The following PPM1A variants were observed in gnomAD, a reference collection of about 807,000 sequenced individuals.
PPM1A encodes the protein protein phosphatase, Mg2+/Mn2+ dependent 1A.
A neutral mutation model predicts 35.0 loss-of-function variants in PPM1A; 7 were observed. The ratio of observed to expected loss-of-function variants is 0.20; its 90% CI spans 0.11 to 0.38. The LOEUF (loss-of-function observed/expected upper bound fraction) is 0.38, where lower values mean the gene tolerates loss of function less well. PPM1A is among the 10% of genes least tolerant of loss of function. The pLI is 1.00. For missense variants in PPM1A, 239 were observed against 467.8 expected (o/e 0.51, Z 4.51); for synonymous variants, 153 against 167.3 (o/e 0.91, Z 0.66).
At chr14:60,270,573 C>T (rs1022915404) in intron 1 of PPM1A, among the ~76,000 whole-genome samples, 3 of 152,106 alleles carry the variant, frequency 2.0e-5, no homozygotes, top group Non-Finnish European at 4.4e-5. Flanking sequence ...TACCTCTTTC[C>T]CCCTTGGAAT....
intron 3 of PPM1A, chr14:60,287,717 A>G (rs1046549372): frequency 3.0e-6 from 3 of 985,166 alleles, no homozygotes; most frequent in Non-Finnish European, 3.6e-6. Context: ...GTTCCCTTCT[A>G]AATACTTGAC....
Position 60,282,743 on chromosome 14 carries a change from A to G in PPM1A, c.40A>G (p.Asn14Asp). The G allele has an allele frequency of 6.2e-7, 1 of 1,614,264 alleles. No individual in the cohort carries two copies. The highest frequency in any genetic ancestry group is 8.5e-7 in the Non-Finnish European group (1 of 1,180,042). ...AGACAAGCCAAAGATGGAAAAGCAT[A>G]ATGCCCAGGGGCAGGGTAATGGGTT... ...FLDKPKMEKH[N>D]AQGQGNGLRY... is the part of the protein sequence containing the mutation. Residue 14 changes from asparagine to aspartate, a missense_variant, in exon 2 of 6, where the codon AAT (asparagine) becomes GAT (aspartate). Around this residue, in one of 2 missense-constraint regions of PPM1A, gnomAD observed 175 missense variants for 389.2 expected, o/e 0.45. Coordinates refer to ENST00000395076, the MANE Select transcript of PPM1A (RefSeq NM_021003.5). This position sits in a 1 kb window ranked among gnomAD's most constrained non-coding sequence, Gnocchi z 5.1.
chr14:60,261,613 TC>T (rs1172291022), intron 1 of PPM1A, among the ~76,000 whole-genome samples: 4 of 152,134 alleles, frequency 2.6e-5, no homozygotes, highest in East Asian at 1.9e-4. Context: ...AGATAAATCT[TC>T]CAGAGGATTA....
chr14:60,265,885 G>T (rs1227798120), intron 1 of PPM1A, among the ~76,000 whole-genome samples: 1 of 152,180 alleles, frequency 6.6e-6, no homozygotes, highest in Non-Finnish European at 1.5e-5. Flanking sequence ...ACTTTTTATG[G>T]ACTCACTGGT....
chr14:60,275,663 C>T, intron 1 of PPM1A, among the ~76,000 whole-genome samples: 1 of 151,994 alleles, frequency 6.6e-6, no homozygotes, highest in African/African-American at 2.4e-5. Flanking sequence ...ATCATTTTTA[C>T]AGAGTCACGC....
chr14:60,287,992 G>T, intron 3 of PPM1A: 1 of 980,522 alleles, frequency 1.0e-6, no homozygotes, highest in Non-Finnish European at 1.2e-6. Flanking sequence ...TAGAAAAAGC[G>T]TTCAGTCTTT....
chr14:60,255,329 G>A (rs969821615), intron 1 of PPM1A, among the ~76,000 whole-genome samples: 2 of 150,490 alleles, frequency 1.3e-5, no homozygotes, highest in Non-Finnish European at 3.0e-5. Flanking sequence ...CCGCTACCAC[G>A]CCCGGCTAAT....
At chr14:60,251,948 A>C (rs1380215519) in intron 1 of PPM1A, among the ~76,000 whole-genome samples, 1 of 152,162 alleles carries the variant, frequency 6.6e-6, no homozygotes, top group African/African-American at 2.4e-5. Flanking sequence ...TTATAAAAAC[A>C]CATTATGAAG....
In PPM1A at chr14:60,280,027, A is replaced by C. The variant is rs536485346; in HGVS notation, c.-20-2657A>C. On this transcript the variant is annotated intron_variant, in intron 1 of 5. Coordinates refer to ENST00000395076, the MANE Select transcript of PPM1A (RefSeq NM_021003.5). The stretch of plus-strand genomic sequence containing the variant: ...TTATATACTTTTTTTTTTGAGACGG[A>C]GTCTCGCTCTATCGCCCAGGCTGGA... 6.5e-4 allele frequency among the ~76,000 whole-genome samples: 99 copies of C among 151,982 alleles called. 1 individual carries two copies. In the East Asian group the frequency reaches 0.017, roughly 26 times the overall value.
At chr14:60,285,850 T>A in intron 3 of PPM1A, 109 bp downstream of exon 3, 1 of 1,493,604 alleles carries the variant, frequency 6.7e-7, no homozygotes, top group Non-Finnish European at 8.9e-7. Context: ...ACAGCTAGTG[T>A]CTAGTGTATG....
chr14:60,257,775 A>G (rs908287193), intron 1 of PPM1A, among the ~76,000 whole-genome samples: 3 of 152,170 alleles, frequency 2.0e-5, no homozygotes, highest in African/African-American at 4.8e-5. Flanking sequence ...CAAAATTCAG[A>G]AATGAAAATG....
chr14:60,280,893 C>T (rs1169253660), intron 1 of PPM1A, among the ~76,000 whole-genome samples: 1 of 152,008 alleles, frequency 6.6e-6, no homozygotes, highest in Non-Finnish European at 1.5e-5. Context: ...TGGTAGAGAC[C>T]CATTTTCTTA....
rs759420898 is a variant in PPM1A, at chr14:60,289,812, T to C, written c.959T>C (p.Ile320Thr). ...AAGTACTTCTGATTCCCAGAAATCATAAAGAAGCAGGGGGAAGGCGTCCCC... is the reference window on the plus strand; with the variant it reads ...AAGTACTTCTGATTCCCAGAAATCACAAAGAAGCAGGGGGAAGGCGTCCCC... ...KYLECRVEEI[I>T]KKQGEGVPDL... The change falls in exon 4 of 6, where the codon ATA becomes ACA. Residue 320 changes from isoleucine (I) to threonine (T), a missense_variant. By Grantham distance (89) the Ile-to-Thr change is moderately conservative. Coordinates refer to ENST00000395076, the MANE Select transcript of PPM1A (RefSeq NM_021003.5). The surrounding 1 kb of genome is among the most constrained non-coding windows in gnomAD (Gnocchi z 4.1). The C allele has an allele frequency of 6.2e-7, 1 of 1,608,174 alleles. No homozygotes were observed. The highest frequency in any genetic ancestry group is 1.1e-5 in the South Asian group (1 of 90,398).
chr14:60,260,651 A>G (rs1480498340), intron 1 of PPM1A, among the ~76,000 whole-genome samples: 2 of 152,122 alleles, frequency 1.3e-5, no homozygotes, highest in Non-Finnish European at 2.9e-5. Flanking sequence ...CATCACCTCC[A>G]AAAGATACCC....
chr14:60,285,924 T>A (rs151062571), intron 3 of PPM1A, 183 bp downstream of exon 3: 3 of 1,303,648 alleles, frequency 2.3e-6, no homozygotes, highest in East Asian at 5.9e-5. Flanking sequence ...ATCACAGTTA[T>A]ATTAGAAATA....
At chr14:60,245,806 C>G, upstream of PPM1A, 1 of 1,522,406 alleles carries the variant, frequency 6.6e-7, no homozygotes, top group Non-Finnish European at 8.8e-7. The surrounding 1 kb of genome is among the most constrained non-coding windows in gnomAD (Gnocchi z 4.2). Context: ...GGGGCACACC[C>G]TCTCCCTGAA....
Position 60,249,927 on chromosome 14 carries a change from A to G in PPM1A, c.-21+250A>G, listed in dbSNP as rs950689952. ...GGGTGTTAGTTGCGGTGGCGCGGGG[A>G]GGGGGCGCGACCCTCTGGCCGTCCG... On this transcript the variant is annotated intron_variant, in intron 1 of 5. Transcript: ENST00000395076. This position sits in a 1 kb window ranked among gnomAD's most constrained non-coding sequence, Gnocchi z 4.5. Among the ~76,000 whole-genome samples the G allele has an allele frequency of 1.3e-5, 2 of 149,028 alleles. No individual in the cohort carries two copies. The highest frequency in any genetic ancestry group is 5.0e-5 in the African/African-American group (2 of 40,236).
chr14:60,245,808 C>T (rs749295568), upstream of PPM1A: 5 of 1,526,454 alleles, frequency 3.3e-6, no homozygotes, highest in South Asian at 1.3e-5. This position sits in a 1 kb window ranked among gnomAD's most constrained non-coding sequence, Gnocchi z 4.2. Context: ...GGCACACCCT[C>T]TCCCTGAATG....
At position 60,249,773 on chromosome 14, in the gene PPM1A, G is replaced by A; in HGVS notation, c.-21+96G>A. The stretch of plus-strand genomic sequence containing the variant: ...GGCCTGGGGCCTGTAAACAAGCCGG[G>A]CGTCTGCCCGGGCGCTCCCGGGAGG... On this transcript the variant is annotated intron_variant, in intron 1 of 5. Transcript: ENST00000395076. The surrounding 1 kb of genome is among the most constrained non-coding windows in gnomAD (Gnocchi z 4.5). 1 of 807,740 alleles carries A rather than the reference G, an allele frequency of 1.2e-6. No individual in the cohort carries two copies. The highest frequency in any genetic ancestry group is 5.4e-5 in the South Asian group (1 of 18,580). 50.0% of individuals were successfully genotyped at this position (807,740 alleles called of 1,614,324 possible).
Sources: allele counts gnomAD v4.1 joint callset (sites outside exome capture counted in the v4.1 genomes callset), GRCh38; gene constraint gnomAD v4.1.1; regional missense constraint gnomAD v4.1.1; non-coding constraint Gnocchi (gnomAD v3.1); transcripts MANE v1.5; gene names NCBI Gene and HGNC (gene_info 2026-07-23, HGNC 2026-07-21).